The following JAM3 variants were observed in gnomAD, a reference collection of about 807,000 sequenced individuals.
JAM3 encodes junctional adhesion molecule C.
A neutral mutation model predicts 39.4 loss-of-function variants in JAM3; 31 were observed. The ratio of observed to expected loss-of-function variants is 0.79; its 90% CI spans 0.59 to 1.06. JAM3 has a LOEUF of 1.06. Among genes scored for constraint, JAM3 ranks in the 50% least tolerant of loss-of-function variants. JAM3 has a pLI of 0.00. For missense variants in JAM3, 455 were observed against 391.4 expected (o/e 1.16, Z -1.37); for synonymous variants, 182 against 148.7 (o/e 1.22, Z -1.63).
intron 1 of JAM3, among the ~76,000 whole-genome samples, chr11:134,089,547 G>C (rs1941805403): frequency 6.6e-6 from 1 of 152,228 alleles, no homozygotes; most frequent in East Asian, 1.9e-4. Context: ...CTATGAGTGA[G>C]AACATGTGGT....
rs146082674 is a variant in JAM3 at position 134,091,647 on chromosome 11, T to G, written c.76+22488T>G. Among the ~76,000 whole-genome samples the G allele has an allele frequency of 2.1e-4, 31 of 150,824 alleles. 1 individual carries two copies. In the East Asian group the frequency reaches 5.8e-3, roughly 28 times the overall value. The stretch of plus-strand genomic sequence containing the variant: ...CCCGTGTCAAAAAAAAAAAAAATTG[T>G]TGTCATCTGAGTTACAGCTTTGGTA... On this transcript the variant is annotated intron_variant, in intron 1 of 8. Transcript: ENST00000299106.
At chr11:134,127,137 A>C (rs925626785) in intron 1 of JAM3, among the ~76,000 whole-genome samples, 3 of 152,112 alleles carry the variant, frequency 2.0e-5, no homozygotes, top group Admixed American at 2.0e-4. Context: ...ATCAGAATGT[A>C]ATAGAAAGAG....
rs1942946346 is a variant in JAM3 at position 134,140,033 on chromosome 11, G to C, written c.142+117G>C. On this transcript the variant is annotated intron_variant, in intron 2 of 8. Coordinates refer to ENST00000299106, the MANE Select transcript of JAM3 (RefSeq NM_032801.5). ...GTGTGCCAGGGAGATGTTCCGGGTGGACTGCTCTGCGGTGCACAGGCCTGG... is the reference window on the plus strand; with the variant it reads ...GTGTGCCAGGGAGATGTTCCGGGTGCACTGCTCTGCGGTGCACAGGCCTGG... The C allele has an allele frequency of 9.5e-6, 8 of 841,752 alleles. No homozygotes were observed. The East Asian group carries it at 1.6e-4, about 16-fold the overall frequency. The allele number at this position is 841,752 out of a possible 1,614,324, so 52.1% of individuals were successfully genotyped here.
chr11:134,084,630 G>C (rs1395187611), intron 1 of JAM3, among the ~76,000 whole-genome samples: 1 of 152,124 alleles, frequency 6.6e-6, no homozygotes, highest in Non-Finnish European at 1.5e-5. Flanking sequence ...AACTGTGCTT[G>C]TTCCTGCCAG....
At chr11:134,083,433 G>C (rs556502589) in intron 1 of JAM3, among the ~76,000 whole-genome samples, 54 of 152,288 alleles carry the variant, frequency 3.5e-4, no homozygotes, top group African/African-American at 1.3e-3. Flanking sequence ...CCTGGGGCTA[G>C]TATCCCACAT....
At chr11:134,103,514 A>G (rs1043879053) in intron 1 of JAM3, among the ~76,000 whole-genome samples, 5 of 152,248 alleles carry the variant, frequency 3.3e-5, no homozygotes, top group South Asian at 2.1e-4. Context: ...ACATAACAAT[A>G]TTAACCTTAA....
intron 1 of JAM3, among the ~76,000 whole-genome samples, chr11:134,093,186 C>T (rs1362806923): frequency 1.6e-5 from 2 of 127,732 alleles, no homozygotes; most frequent in South Asian, 2.8e-4. Flanking sequence ...TTCTCCTGAA[C>T]CCTCCTTATT....
chr11:134,081,579 T>G (rs2120595047), intron 1 of JAM3, among the ~76,000 whole-genome samples: 1 of 152,334 alleles, frequency 6.6e-6, no homozygotes, highest in African/African-American at 2.4e-5. Context: ...GGTCAAGAAT[T>G]GAGGTTTGGG....
chr11:134,069,961 A>C (rs1941462092), intron 1 of JAM3, among the ~76,000 whole-genome samples: 1 of 152,222 alleles, frequency 6.6e-6, no homozygotes, highest in Non-Finnish European at 1.5e-5. Flanking sequence ...GCATTTGATC[A>C]AGACACACTA....
intron 1 of JAM3, among the ~76,000 whole-genome samples, chr11:134,088,658 A>G (rs188185740): frequency 2.0e-5 from 3 of 152,338 alleles, no homozygotes; most frequent in East Asian, 3.9e-4. Context: ...CAATAGAACA[A>G]TATATAAATA....
At chr11:134,135,470 A>G (rs913804676) in intron 1 of JAM3, among the ~76,000 whole-genome samples, 1 of 152,196 alleles carries the variant, frequency 6.6e-6, no homozygotes, top group Admixed American at 6.5e-5. Flanking sequence ...AATAAAGATG[A>G]ATAAATACGG....
intron 2 of JAM3, among the ~76,000 whole-genome samples, chr11:134,140,154 AT>A (rs1223106014): frequency 1.2e-4 from 18 of 152,006 alleles, no homozygotes; most frequent in South Asian, 4.2e-4. Context: ...CAACAAATAA[AT>A]TTCTTTTTTC....
chr11:134,105,987 G>A (rs567336717), intron 1 of JAM3, among the ~76,000 whole-genome samples: 2 of 152,188 alleles, frequency 1.3e-5, no homozygotes, highest in South Asian at 4.1e-4. Flanking sequence ...TCACAGAATT[G>A]GAAAAAACTA....
At chr11:134,073,341 A>T (rs778642422) in intron 1 of JAM3, among the ~76,000 whole-genome samples, 7 of 152,256 alleles carry the variant, frequency 4.6e-5, no homozygotes, top group Non-Finnish European at 1.0e-4. Context: ...TGCTGCTTGT[A>T]TAAAGACATC....
chr11:134,104,999 CATTTT>C (rs1359265627), intron 1 of JAM3, among the ~76,000 whole-genome samples: 4 of 152,200 alleles, frequency 2.6e-5, no homozygotes, highest in African/African-American at 9.7e-5. Flanking sequence ...CTCCCTAACT[CATTTT>C]ATGAGGCCAG....
chr11:134,106,734 CTCA>C (rs1261337332), intron 1 of JAM3, among the ~76,000 whole-genome samples: 1 of 152,202 alleles, frequency 6.6e-6, no homozygotes, highest in East Asian at 1.9e-4. Flanking sequence ...TGAAGAAATG[CTCA>C]TCATCACTGG....
At chr11:134,088,710 AAGAC>A (rs1941788778) in intron 1 of JAM3, among the ~76,000 whole-genome samples, 1 of 150,090 alleles carries the variant, frequency 6.7e-6, no homozygotes, top group Non-Finnish European at 1.5e-5. Context: ...CATTGCCACA[AAGAC>A]AGTAAAATGT....
intron 1 of JAM3, among the ~76,000 whole-genome samples, chr11:134,139,192 GT>G (rs1196107247): frequency 2.0e-5 from 3 of 152,228 alleles, no homozygotes; most frequent in Admixed American, 2.0e-4. Flanking sequence ...TCAGATGCTA[GT>G]TTTGAAAGGG....
intron 1 of JAM3, among the ~76,000 whole-genome samples, chr11:134,133,310 C>G (rs780751146): frequency 2.0e-5 from 3 of 152,160 alleles, no homozygotes; most frequent in Non-Finnish European, 4.4e-5. Context: ...ACTGCTCTTG[C>G]TAGAAATTCC....
Sources: gnomAD v4.1 joint callset for allele counts (sites outside exome capture counted in the v4.1 genomes callset) on GRCh38, gnomAD v4.1.1 for gene constraint, MANE v1.5 for transcripts, NCBI Gene and HGNC (gene_info 2026-07-23, HGNC 2026-07-21) for gene names.